The following ALG9 variants were observed in gnomAD, a reference collection of about 807,000 sequenced individuals.
The protein encoded by ALG9 is alpha-1,2-mannosyltransferase ALG9.
A neutral mutation model predicts 81.8 loss-of-function variants in ALG9; 55 were observed. The ratio of observed to expected loss-of-function variants is 0.67; its 90% CI spans 0.54 to 0.84. The LOEUF (loss-of-function observed/expected upper bound fraction) is 0.84. ALG9 is among the 40% of genes least tolerant of loss of function. ALG9 has a pLI of 0.00. For missense variants in ALG9, 629 were observed against 745.0 expected, an observed-to-expected ratio of 0.84 and a Z score of 1.81; for synonymous variants, 278 against 274.3, an observed-to-expected ratio of 1.01 and a Z score of -0.13.
intron 14 of ALG9, among the ~76,000 whole-genome samples, chr11:111,798,856 G>A (rs1408983924): frequency 5.3e-5 from 8 of 152,166 alleles, no homozygotes; most frequent in African/African-American, 1.9e-4. Context: ...ATGGGGTCTG[G>A]GGTTTGTAGG....
chr11:111,814,095 G>A (rs1420475137), intron 13 of ALG9, among the ~76,000 whole-genome samples: 2 of 152,150 alleles, frequency 1.3e-5, no homozygotes, highest in East Asian at 1.9e-4. Flanking sequence ...GGTGTTATCT[G>A]TAGTAACCCA....
At chr11:111,853,579 G>A (rs1473160520) in intron 7 of ALG9, 70 bp downstream of exon 7, 2 of 1,567,274 alleles carry the variant, frequency 1.3e-6, no homozygotes, top group African/African-American at 1.4e-5. Flanking sequence ...AACTCCTGAT[G>A]TTCCTTTTTT....
chr11:111,813,975 A>G (rs1555094316), intron 13 of ALG9, among the ~76,000 whole-genome samples: 1 of 152,218 alleles, frequency 6.6e-6, no homozygotes, highest in Non-Finnish European at 1.5e-5. Context: ...AACCACATGA[A>G]ATTATTATTT....
the ALG9 span, chr11:111,768,946 G>A: frequency 6.6e-6 from 1 of 151,952 alleles, no homozygotes; most frequent in Admixed American, 6.6e-5. Context: ...TGGAGAGACA[G>A]AGGGCTAAGA....
intron 13 of ALG9, 111 bp from the exon 14 acceptor site, chr11:111,809,884 C>A: frequency 7.9e-7 from 1 of 1,265,254 alleles, no homozygotes; most frequent in Non-Finnish European, 1.1e-6. Context: ...AACAAACATC[C>A]AAGTCTTCAG....
At chr11:111,781,911 G>A (rs1209906204), downstream of ALG9, among the ~76,000 whole-genome samples, 3 of 152,206 alleles carry the variant, frequency 2.0e-5, no homozygotes, top group African/African-American at 7.2e-5. Context: ...ATCCCACAGT[G>A]CTGTGATAAC....
chr11:111,804,620 A>G (rs577803517), intron 14 of ALG9, among the ~76,000 whole-genome samples: 1 of 152,302 alleles, frequency 6.6e-6, no homozygotes, highest in South Asian at 2.1e-4. Context: ...AACACTAAGA[A>G]AATGAACAAC....
chr11:111,844,177 G>T (rs1033116877), intron 9 of ALG9, among the ~76,000 whole-genome samples: 26 of 152,044 alleles, frequency 1.7e-4, no homozygotes, highest in African/African-American at 6.0e-4. Flanking sequence ...GCTAATTTTT[G>T]TATTTTTAGT....
intron 9 of ALG9, among the ~76,000 whole-genome samples, chr11:111,841,999 T>C (rs1034928279): frequency 6.6e-6 from 1 of 152,154 alleles, no homozygotes; most frequent in Non-Finnish European, 1.5e-5. Flanking sequence ...CAGGTTCGAA[T>C]GATTCTCCTG....
At chr11:111,778,819 T>TC (rs1555056010), downstream of ALG9, among the ~76,000 whole-genome samples, 1 of 149,248 alleles carries the variant, frequency 6.7e-6, no homozygotes, top group East Asian at 1.9e-4. Context: ...TTCTTTTCTT[T>TC]TTTTTTTTTT....
rs527998458 is a variant in ALG9 at position 111,782,433 on chromosome 11, G to A, written c.*3964C>T. ...CACCAGAAAGCCTCTGAAATCCAAC[G>A]ATGCCATACGGAAGTCTGATCTTTC... On this transcript the variant is annotated 3_prime_UTR_variant, in exon 15 of 15. Coordinates refer to ENST00000616540, the MANE Select transcript of ALG9 (RefSeq NM_024740.2). 3 of 152,598 alleles carry A rather than the reference G, an allele frequency of 2.0e-5. No individual in the cohort carries two copies. Among genetic ancestry groups the A allele is most frequent in the South Asian group, 2.1e-4 (1 of 4,820 alleles). 9.5% of individuals were successfully genotyped at this position (152,598 alleles called of 1,614,324 possible).
At position 111,860,973 on chromosome 11, in the gene ALG9, C is replaced by A. The variant is rs541709613; in HGVS notation, c.477-338G>T. Among the ~76,000 whole-genome samples the A allele has an allele frequency of 5.9e-5, 9 of 152,306 alleles. No homozygotes were observed. In the South Asian group the frequency reaches 1.9e-3, roughly 32 times the overall value. ...GCTCTGCCACTTACTAGCAGTGGAA[C>A]CCTACTCTGGTTGAATAATGTCTCT... is the stretch of plus-strand genomic sequence containing the variant. On this transcript the variant is annotated intron_variant, in intron 4 of 14. Coordinates refer to ENST00000616540, the MANE Select transcript of ALG9 (RefSeq NM_024740.2).
intron 13 of ALG9, among the ~76,000 whole-genome samples, chr11:111,831,568 A>C (rs1213096819): frequency 6.6e-6 from 1 of 152,184 alleles, no homozygotes; most frequent in East Asian, 1.9e-4. Context: ...GCCTTGTAAC[A>C]TCAAAGAATG....
chr11:111,791,461 A>T (rs1947397689), intron 14 of ALG9, among the ~76,000 whole-genome samples: 1 of 152,232 alleles, frequency 6.6e-6, no homozygotes, highest in Non-Finnish European at 1.5e-5. Context: ...CAGGAAAAGC[A>T]ACTTGTCTAA....
intron 13 of ALG9, among the ~76,000 whole-genome samples, chr11:111,810,942 A>G (rs1463378336): frequency 6.6e-6 from 1 of 152,202 alleles, no homozygotes; most frequent in Non-Finnish European, 1.5e-5. Context: ...TACTCTGTTC[A>G]GCACTGTATT....
At chr11:111,814,746 T>C (rs143785222) in intron 13 of ALG9, 1 of 152,196 alleles carries the variant, frequency 6.6e-6, no homozygotes, top group African/African-American at 2.4e-5. Flanking sequence ...ACACTGAGAA[T>C]TGACGTCAGA....
intron 12 of ALG9, among the ~76,000 whole-genome samples, chr11:111,836,500 A>G (rs542390814): frequency 1.3e-5 from 2 of 152,230 alleles, no homozygotes; most frequent in African/African-American, 4.8e-5. Context: ...ATGTCTCTTG[A>G]CCCATTTCAC....
At chr11:111,808,512 C>T (rs1950246788) in intron 14 of ALG9, among the ~76,000 whole-genome samples, 1 of 152,222 alleles carries the variant, frequency 6.6e-6, no homozygotes, top group Admixed American at 6.5e-5. Flanking sequence ...CCTTATACCT[C>T]AGTTTCAGTA....
downstream of ALG9, among the ~76,000 whole-genome samples, chr11:111,777,831 A>T (rs1182876261): frequency 6.6e-6 from 1 of 152,196 alleles, no homozygotes; most frequent in Non-Finnish European, 1.5e-5. Flanking sequence ...AGTAACAGGG[A>T]GACAAGAAAG....
Sources: allele counts gnomAD v4.1 joint callset (sites outside exome capture counted in the v4.1 genomes callset), GRCh38; gene constraint gnomAD v4.1.1; transcripts MANE v1.5; gene names NCBI Gene and HGNC (gene_info 2026-07-23, HGNC 2026-07-21).